SNTG1: variants seen among roughly 807,000 people sequenced by gnomAD.
SNTG1 encodes the protein syntrophin gamma 1.
SNTG1 carries 39 observed loss-of-function variants against 74.7 expected under a neutral mutation model. The ratio of observed to expected loss-of-function variants is 0.52; its 90% CI spans 0.40 to 0.68. The LOEUF is 0.68. Ranked by LOEUF, SNTG1 falls within the 30% of genes least tolerant of loss-of-function variation. The probability of loss-of-function intolerance (pLI) is 0.00; values close to 1 mark genes in which losing one functional copy is unlikely to be tolerated. For synonymous variants in SNTG1, 254 were observed against 217.1 expected (o/e 1.17, Z -1.49); for missense variants, 685 against 609.5 (o/e 1.12, Z -1.30).
At chr8:50,675,562 A>G (rs985734700) in intron 15 of SNTG1, among the ~76,000 whole-genome samples, 2 of 151,670 alleles carry the variant, frequency 1.3e-5, no homozygotes, top group Non-Finnish European at 2.9e-5. Context: ...TTTGCACATG[A>G]GATGGTTCTC....
intron 1 of SNTG1, among the ~76,000 whole-genome samples, chr8:50,025,716 T>C (rs1817208418): frequency 6.6e-6 from 1 of 152,198 alleles, no homozygotes; most frequent in African/African-American, 2.4e-5. Context: ...AAAGTGTGGA[T>C]ATCTCAGTAA....
intron 1 of SNTG1, among the ~76,000 whole-genome samples, chr8:50,165,364 A>G (rs1014453613): frequency 6.6e-6 from 1 of 152,210 alleles, no homozygotes; most frequent in East Asian, 1.9e-4. Flanking sequence ...TTGGATGTAC[A>G]GAAATCATTT....
chr8:50,126,901 T>C (rs1021929533), intron 1 of SNTG1, among the ~76,000 whole-genome samples: 5 of 152,006 alleles, frequency 3.3e-5, no homozygotes, highest in African/African-American at 1.2e-4. Flanking sequence ...TTCCACAAAG[T>C]GGAGAGGTAC....
chr8:50,681,657 C>T (rs2095331427), intron 15 of SNTG1, among the ~76,000 whole-genome samples: 4 of 152,078 alleles, frequency 2.6e-5, no homozygotes, highest in Non-Finnish European at 5.9e-5. Context: ...GAGAGGAGGA[C>T]CGAAAGCCTC....
intron 13 of SNTG1, among the ~76,000 whole-genome samples, chr8:50,632,453 G>A (rs777747105): frequency 6.6e-6 from 1 of 152,020 alleles, no homozygotes; most frequent in Non-Finnish European, 1.5e-5. Context: ...TGGGACCACA[G>A]GCATGCACCA....
chr8:50,050,342 T>A (rs1339974546), intron 1 of SNTG1, among the ~76,000 whole-genome samples: 1 of 151,914 alleles, frequency 6.6e-6, no homozygotes, highest in East Asian at 1.9e-4. Context: ...ACAAATTTGA[T>A]AACCTAGACA....
intron 13 of SNTG1, among the ~76,000 whole-genome samples, chr8:50,624,176 C>T (rs989349719): frequency 6.6e-6 from 1 of 151,872 alleles, no homozygotes; most frequent in East Asian, 1.9e-4. Context: ...TATCACAAAG[C>T]TCCTAAAGAA....
chr8:50,370,883 A>G (rs1253346925), intron 2 of SNTG1, among the ~76,000 whole-genome samples: 1 of 152,136 alleles, frequency 6.6e-6, no homozygotes. Flanking sequence ...TTAAGAATGA[A>G]AGGAAAATAA....
intron 1 of SNTG1, among the ~76,000 whole-genome samples, chr8:50,129,614 C>T (rs1270221742): frequency 6.6e-6 from 1 of 152,038 alleles, no homozygotes; most frequent in Non-Finnish European, 1.5e-5. Flanking sequence ...GGAGAAATGG[C>T]TCAGACTTGA....
At chr8:50,698,966 G>C (rs2095414330) in intron 15 of SNTG1, among the ~76,000 whole-genome samples, 1 of 152,054 alleles carries the variant, frequency 6.6e-6, no homozygotes, top group African/African-American at 2.4e-5. Context: ...TCTTTTTCTG[G>C]TCAGATTTTG....
At chr8:50,063,108 A>G (rs772015354) in intron 1 of SNTG1, among the ~76,000 whole-genome samples, 4 of 152,250 alleles carry the variant, frequency 2.6e-5, no homozygotes, top group Non-Finnish European at 5.9e-5. Flanking sequence ...TGCAAGAGGC[A>G]TTAAGGTGAA....
chr8:50,629,249 G>A (rs1297726619), intron 13 of SNTG1, among the ~76,000 whole-genome samples: 2 of 151,718 alleles, frequency 1.3e-5, no homozygotes, highest in Non-Finnish European at 2.9e-5. Flanking sequence ...TTTCTTTAAT[G>A]TATACAATTT....
chr8:50,447,178 C>G lies in SNTG1; in HGVS notation c.220-2490C>G, dbSNP rs1055781985. 1.5e-4 allele frequency among the ~76,000 whole-genome samples: 23 copies of G among 152,076 alleles called. 2 individuals carry two copies. Among genetic ancestry groups the G allele is most frequent in the Non-Finnish European group, 1.5e-5 (1 of 68,012 alleles). On this transcript the variant is annotated intron_variant, in intron 5 of 18. Coordinates refer to ENST00000642720, the MANE Select transcript of SNTG1 (RefSeq NM_018967.5). ...TATTGAGTCAACCCTCAGAAAAACTCTATCTCAAAAGCCTTTTCTCTGGAC... is the reference window on the plus strand; with the variant it reads ...TATTGAGTCAACCCTCAGAAAAACTGTATCTCAAAAGCCTTTTCTCTGGAC...
rs150719075 is a variant in SNTG1, at chr8:50,187,170, A to C, written c.-28+14535A>C. 8.2e-3 allele frequency among the ~76,000 whole-genome samples: 1,242 copies of C among 152,276 alleles called. 22 individuals are homozygous for C. Among genetic ancestry groups the C allele is most frequent in the African/African-American group, 0.029 (1,196 of 41,544 alleles). On this transcript the variant is annotated intron_variant, in intron 2 of 18. Transcript: ENST00000642720. ...CACAGAATTAGAAAAAAACTATTTT[A>C]AATTTCATATGGAACCAAAAAAGAG...
chr8:50,094,659 C>CT (rs1430449943), intron 1 of SNTG1, among the ~76,000 whole-genome samples: 1 of 152,010 alleles, frequency 6.6e-6, no homozygotes, highest in East Asian at 1.9e-4. Flanking sequence ...ATCAGAATGG[C>CT]TATGAAAGAG....
At chr8:50,145,459 T>G (rs924351867) in intron 1 of SNTG1, among the ~76,000 whole-genome samples, 1 of 152,170 alleles carries the variant, frequency 6.6e-6, no homozygotes, top group Non-Finnish European at 1.5e-5. Context: ...GATGTGAAAC[T>G]AATGAAGTAA....
At chr8:50,067,828 C>T (rs1821025920) in intron 1 of SNTG1, among the ~76,000 whole-genome samples, 1 of 152,160 alleles carries the variant, frequency 6.6e-6, no homozygotes, top group Non-Finnish European at 1.5e-5. Flanking sequence ...ACACAGACCC[C>T]TGTGTCTGCA....
chr8:50,306,059 C>G (rs2089883805), intron 2 of SNTG1, among the ~76,000 whole-genome samples: 1 of 150,738 alleles, frequency 6.6e-6, no homozygotes, highest in Non-Finnish European at 1.5e-5. Context: ...CACCCTCCCC[C>G]TTCTGAGTCT....
At chr8:49,958,123 A>C (rs1054402290) in intron 1 of SNTG1, among the ~76,000 whole-genome samples, 5 of 152,080 alleles carry the variant, frequency 3.3e-5, no homozygotes, top group African/African-American at 4.8e-5. Flanking sequence ...CCACGAAATG[A>C]AGGTAGGTGA....
Sources: gnomAD v4.1 joint callset for allele counts (sites outside exome capture counted in the v4.1 genomes callset) on GRCh38, gnomAD v4.1.1 for gene constraint, MANE v1.5 for transcripts, NCBI Gene and HGNC (gene_info 2026-07-23, HGNC 2026-07-21) for gene names.